Variants in PHACTR2 observed in about 807,000 individuals in gnomAD.
PHACTR2 encodes phosphatase and actin regulator 2, also known as chromosome 6 open reading frame 56.
A neutral mutation model predicts 76.0 loss-of-function variants in PHACTR2; 30 were observed. The ratio of observed to expected loss-of-function variants is 0.39; its 90% CI spans 0.30 to 0.54. The LOEUF (loss-of-function observed/expected upper bound fraction) is 0.54, where lower values mean the gene tolerates loss of function less well. PHACTR2 is among the 20% of genes least tolerant of loss of function. The pLI is 0.61. For missense variants in PHACTR2, 696 were observed against 781.1 expected (o/e 0.89, Z 1.30); for synonymous variants, 292 against 292.5 (o/e 1.00, Z 0.02).
In PHACTR2 at chr6:143,672,607, T is replaced by C. The variant is rs1777174723; in HGVS notation, c.14-39409T>C. On this transcript the variant is annotated intron_variant, in intron 1 of 11. Coordinates refer to the PHACTR2 transcript ENST00000305766. The surrounding 1 kb of genome is among the most constrained non-coding windows in gnomAD (Gnocchi z 5.8). ...CACCTTCAGAATGAATGAGCACCTCTGTGTGGCAAAAATGTGGATTTAGTA... is the reference window on the plus strand; with the variant it reads ...CACCTTCAGAATGAATGAGCACCTCCGTGTGGCAAAAATGTGGATTTAGTA... Among the ~76,000 whole-genome samples, 1 of 152,250 alleles carries C rather than the reference T, an allele frequency of 6.6e-6. No individual in the cohort carries two copies. Among genetic ancestry groups the C allele is most frequent in the African/African-American group, 2.4e-5 (1 of 41,478 alleles).
chr6:143,712,288 C>A, intron 2 of PHACTR2, 105 bp downstream of exon 2: 3 of 650,888 alleles, frequency 4.6e-6, no homozygotes, highest in Non-Finnish European at 6.9e-6. Context: ...AAAATTAATC[C>A]GTATTTGAAA....
rs1233289211 is a variant in PHACTR2, at chr6:143,638,597, ACACC to A, written c.13+30278_13+30281del. On this transcript the variant is annotated intron_variant, in intron 1 of 11. Coordinates refer to the PHACTR2 transcript ENST00000305766. The stretch of plus-strand genomic sequence containing the variant: ...CACATACACACACACACACACACAC[ACACC>A]CAGCTATCCAAGTTTTGAGCTAATT... Among the ~76,000 whole-genome samples, 4 of 145,846 alleles carry A rather than the reference ACACC, an allele frequency of 2.7e-5. No homozygotes were observed. The East Asian group carries it at 7.8e-4, about 28-fold the overall frequency.
At chr6:143,716,475 G>A (rs907361436) in intron 2 of PHACTR2, among the ~76,000 whole-genome samples, 2 of 152,058 alleles carry the variant, frequency 1.3e-5, no homozygotes, top group South Asian at 2.1e-4. Context: ...ACAGGCACAC[G>A]CCACGATGCC....
At chr6:143,565,731 G>T (rs2128430688) in intron 1 of PHACTR2, among the ~76,000 whole-genome samples, 1 of 152,226 alleles carries the variant, frequency 6.6e-6, no homozygotes, top group South Asian at 2.1e-4. Flanking sequence ...ACCAGTGGAT[G>T]ATGGGGGAAG....
intron 4 of PHACTR2, among the ~76,000 whole-genome samples, chr6:143,756,554 C>A (rs1779302336): frequency 1.3e-5 from 2 of 151,558 alleles, no homozygotes. Flanking sequence ...AAAAAATTAG[C>A]CGGGCGTGGT....
rs199765270 is a variant in PHACTR2 at position 143,546,874 on chromosome 6, T to A, written c.217+9667T>A. On this transcript the variant is annotated intron_variant, in intron 1 of 11. Transcript: ENST00000367584. The surrounding 1 kb of genome is among the most constrained non-coding windows in gnomAD (Gnocchi z 4.9). ...GACCCCATCTCAAAAAAAAAAAAAA[T>A]AAAAAATAAAAAATTAGCCAGGTGA... Among the ~76,000 whole-genome samples the A allele has an allele frequency of 1.6e-3, 223 of 136,058 alleles. 1 individual carries two copies. Among genetic ancestry groups the A allele is most frequent in the African/African-American group, 5.2e-3 (189 of 36,010 alleles). 89.3% of individuals were successfully genotyped at this position (136,058 alleles called of 152,430 possible).
Position 143,562,223 on chromosome 6 carries a change from G to C in PHACTR2, c.217+25016G>C, listed in dbSNP as rs150352699. Among the ~76,000 whole-genome samples the C allele has an allele frequency of 2.6e-5, 4 of 152,276 alleles. No homozygotes were observed. The highest frequency in any genetic ancestry group is 9.6e-5 in the African/African-American group (4 of 41,532). On this transcript the variant is annotated intron_variant, in intron 1 of 11. Transcript: ENST00000367584. This position sits in a 1 kb window ranked among gnomAD's most constrained non-coding sequence, Gnocchi z 5.1. ...GCTATGAATAAATACCTGAGACTGG[G>C]TAATTTAGAAAGAAAAGAGGTTTAA... is the stretch of plus-strand genomic sequence containing the variant.
chr6:143,684,726 T>C lies in PHACTR2; in HGVS notation c.46+6517T>C, dbSNP rs1191406024. Among the ~76,000 whole-genome samples, 2 of 152,228 alleles carry C rather than the reference T, an allele frequency of 1.3e-5. No individual in the cohort carries two copies. The highest frequency in any genetic ancestry group is 2.9e-5 in the Non-Finnish European group (2 of 68,040). ...AGTCACTTCCTCTGGGTGAGGCAGC[T>C]AGCTCCACAGCACAGACTTAACAAG... On this transcript the variant is annotated intron_variant, in intron 1 of 12. Transcript: ENST00000440869. This position sits in a 1 kb window ranked among gnomAD's most constrained non-coding sequence, Gnocchi z 4.3.
At chr6:143,701,714 C>G (rs1777916100) in intron 1 of PHACTR2, among the ~76,000 whole-genome samples, 2 of 152,198 alleles carry the variant, frequency 1.3e-5, no homozygotes, top group African/African-American at 2.4e-5. Context: ...ACTTCCTCAT[C>G]TATAAAATGG....
At chr6:143,771,347 CCAGGCTCAAGCTGGGACTA>C (rs1775136543) in intron 6 of PHACTR2, among the ~76,000 whole-genome samples, 1 of 146,728 alleles carries the variant, frequency 6.8e-6, no homozygotes, top group Non-Finnish European at 1.5e-5. Context: ...GCAATCCTTC[CCAGGCTCAAGCTGGGACTA>C]CAGGCAAGCG....
In PHACTR2 at chr6:143,825,799, A is replaced by G. The variant is rs1008886334; in HGVS notation, c.*2110A>G. 3 of 152,162 alleles carry G rather than the reference A, an allele frequency of 2.0e-5. No homozygotes were observed. The highest frequency in any genetic ancestry group is 7.2e-5 in the African/African-American group (3 of 41,428). 9.4% of individuals were successfully genotyped at this position (152,162 alleles called of 1,614,324 possible). The stretch of plus-strand genomic sequence containing the variant: ...ATAATGGTAAATGTAAGACATCACC[A>G]TTTTATCACTCAAAGTATGTTATTG... On this transcript the variant is annotated 3_prime_UTR_variant, in exon 13 of 13. Transcript: ENST00000440869. This position sits in a 1 kb window ranked among gnomAD's most constrained non-coding sequence, Gnocchi z 4.1.
At chr6:143,572,035 A>T (rs1775451756) in intron 1 of PHACTR2, among the ~76,000 whole-genome samples, 1 of 152,226 alleles carries the variant, frequency 6.6e-6, no homozygotes, top group African/African-American at 2.4e-5. Flanking sequence ...TATGCTAAAA[A>T]ATGGGAAGCC....
intron 2 of PHACTR2, among the ~76,000 whole-genome samples, chr6:143,715,269 T>G (rs765081768): frequency 2.0e-5 from 3 of 152,214 alleles, no homozygotes; most frequent in Non-Finnish European, 4.4e-5. Flanking sequence ...AAGCTACCAT[T>G]GTCTTGTTTG....
At position 143,823,651 on chromosome 6, in the gene PHACTR2, A is replaced by T; in HGVS notation, c.1923-23A>T. On this transcript the variant is annotated intron_variant, in intron 12 of 12. Transcript: ENST00000440869. The surrounding 1 kb of genome is among the most constrained non-coding windows in gnomAD (Gnocchi z 5.7). ...GAATGTGCTCCTAGGCCACAGGCTT[A>T]TAGTTTCTATTTCTTACTCCAGGTT... The T allele has an allele frequency of 6.2e-7, 1 of 1,607,228 alleles. No homozygotes were observed. The highest frequency in any genetic ancestry group is 8.5e-7 in the Non-Finnish European group (1 of 1,173,910).
At position 143,722,399 on chromosome 6, in the gene PHACTR2, T is replaced by C. The variant is rs994762122; in HGVS notation, c.214+10216T>C. On this transcript the variant is annotated intron_variant, in intron 2 of 12. Coordinates refer to ENST00000440869, the MANE Select transcript of PHACTR2 (RefSeq NM_001100164.2). The surrounding 1 kb of genome is among the most constrained non-coding windows in gnomAD (Gnocchi z 4.1). ...ATTTTGTGGGTGTTTTCTTCTCTCT[T>C]GAATTCAACTTTAAGATTCTCTTCA... 1.3e-5 allele frequency among the ~76,000 whole-genome samples: 2 copies of C among 152,184 alleles called. No individual in the cohort carries two copies. Among genetic ancestry groups the C allele is most frequent in the Non-Finnish European group, 1.5e-5 (1 of 68,028 alleles).
chr6:143,537,767 G>T lies in PHACTR2; in HGVS notation c.217+560G>T, dbSNP rs2128425977. Among the ~76,000 whole-genome samples the T allele has an allele frequency of 6.6e-6, 1 of 152,288 alleles. No homozygotes were observed. The highest frequency in any genetic ancestry group is 2.1e-4 in the South Asian group (1 of 4,820). ...ATGAGGTTAATGGGGGAGAGCAGGG[G>T]AGAGTTTGGCGGGCTGTTTGTGCCT... On this transcript the variant is annotated intron_variant, in intron 1 of 11. Coordinates refer to the PHACTR2 transcript ENST00000367584. The surrounding 1 kb of genome is among the most constrained non-coding windows in gnomAD (Gnocchi z 4.4).
intron 2 of PHACTR2, among the ~76,000 whole-genome samples, chr6:143,720,239 A>T (rs1329238507): frequency 6.6e-6 from 1 of 152,222 alleles, no homozygotes; most frequent in Non-Finnish European, 1.5e-5. Context: ...TTAGTGACAT[A>T]AAAGAGACAA....
In PHACTR2 at chr6:143,680,431, A is replaced by G. The variant is rs1777364267; in HGVS notation, c.46+2222A>G. ...GCGAAAATCTGTTTAAGTCAAAGGA[A>G]TCAATAGCACAGAGTTTAATTATTC... is the stretch of plus-strand genomic sequence containing the variant. On this transcript the variant is annotated intron_variant, in intron 1 of 12. Coordinates refer to ENST00000440869, the MANE Select transcript of PHACTR2 (RefSeq NM_001100164.2). The surrounding 1 kb of genome is among the most constrained non-coding windows in gnomAD (Gnocchi z 4.5). Among the ~76,000 whole-genome samples, 2 of 152,182 alleles carry G rather than the reference A, an allele frequency of 1.3e-5. No individual in the cohort carries two copies. The highest frequency in any genetic ancestry group is 6.5e-5 in the Admixed American group (1 of 15,278).
At chr6:143,717,744 T>C (rs879457280) in intron 2 of PHACTR2, among the ~76,000 whole-genome samples, 13 of 152,112 alleles carry the variant, frequency 8.5e-5, no homozygotes, top group Non-Finnish European at 1.5e-4. Flanking sequence ...GGCTAATTTT[T>C]GTGTTTTTTG....
Sources: allele counts gnomAD v4.1 joint callset (sites outside exome capture counted in the v4.1 genomes callset), GRCh38; gene constraint gnomAD v4.1.1; non-coding constraint Gnocchi (gnomAD v3.1); transcripts MANE v1.5; gene names NCBI Gene and HGNC (gene_info 2026-07-23, HGNC 2026-07-21).